ZNF277: variants seen among roughly 807,000 people sequenced by gnomAD.
The protein encoded by ZNF277 is zinc finger protein 277.
A neutral mutation model predicts 60.7 loss-of-function variants in ZNF277; 55 were observed. The observed-to-expected ratio is 0.91, with a 90% confidence interval of 0.73 to 1.13. The LOEUF (loss-of-function observed/expected upper bound fraction) is 1.13, where lower values mean the gene tolerates loss of function less well. Ranked by LOEUF, ZNF277 falls within the 50% of genes most tolerant of loss-of-function variation. The probability of loss-of-function intolerance (pLI) is 0.00; values close to 1 mark genes in which losing one functional copy is unlikely to be tolerated. For missense variants in ZNF277, 510 were observed against 523.0 expected (o/e 0.98, Z 0.24); for synonymous variants, 178 against 179.3 (o/e 0.99, Z 0.06).
chr7:112,225,403 T>TTC (rs1347338294), intron 1 of ZNF277, among the ~76,000 whole-genome samples: 2 of 152,242 alleles, frequency 1.3e-5, no homozygotes, highest in Non-Finnish European at 1.5e-5. Flanking sequence ...ATAATACCCT[T>TTC]TCTTTTTCAT....
At chr7:112,314,074 T>TA (rs927806387) in intron 4 of ZNF277, among the ~76,000 whole-genome samples, 35 of 151,936 alleles carry the variant, frequency 2.3e-4, no homozygotes, top group Non-Finnish European at 4.1e-4. Context: ...AAAACTATGG[T>TA]AAAAAAGGAA....
intron 11 of ZNF277, chr7:112,341,266 A>T (rs972754745): frequency 5.3e-6 from 2 of 377,882 alleles, no homozygotes; most frequent in Admixed American, 9.3e-5. Flanking sequence ...AGTATTTGTG[A>T]TATGGAGATA....
At position 112,270,825 on chromosome 7, in the gene ZNF277, A is replaced by G. The variant is rs184856740; in HGVS notation, c.92-16048A>G. On this transcript the variant is annotated intron_variant, in intron 1 of 11. Coordinates refer to ENST00000361822, the MANE Select transcript of ZNF277 (RefSeq NM_021994.3). ...TAAAGTTATAAAATTGATCATATCA[A>G]GTTTTCATTAGAACAGTGGTTTGTG... Among the ~76,000 whole-genome samples the G allele has an allele frequency of 2.6e-5, 4 of 152,220 alleles. No individual in the cohort carries two copies. In the South Asian group the frequency reaches 6.2e-4, roughly 24 times the overall value.
chr7:112,326,817 T>C (rs943917628), intron 5 of ZNF277, among the ~76,000 whole-genome samples: 5 of 152,178 alleles, frequency 3.3e-5, no homozygotes, highest in African/African-American at 9.7e-5. Context: ...CTATCAATGG[T>C]ACTTATACTG....
At position 112,232,052 on chromosome 7, in the gene ZNF277, T is replaced by C. The variant is rs1370359289; in HGVS notation, c.91+25245T>C. ...TAAAATAAATAAATACATATATATATATATATATATATATATATATATATA... is the reference window on the plus strand; with the variant it reads ...TAAAATAAATAAATACATATATATACATATATATATATATATATATATATA... On this transcript the variant is annotated intron_variant, in intron 1 of 11. Coordinates refer to ENST00000361822, the MANE Select transcript of ZNF277 (RefSeq NM_021994.3). Among the ~76,000 whole-genome samples, 4 of 8,572 alleles carry C rather than the reference T, an allele frequency of 4.7e-4. No homozygotes were observed. In the Non-Finnish European group the frequency reaches 4.7e-3, roughly 10 times the overall value. The allele number at this position is 8,572 out of a possible 152,430, so 5.6% of individuals were successfully genotyped here. A position where few individuals can be genotyped will look rare whatever the true frequency, so the allele number is the denominator to read the frequency against.
intron 2 of ZNF277, among the ~76,000 whole-genome samples, chr7:112,293,343 A>G (rs528900322): frequency 6.6e-6 from 1 of 152,120 alleles, no homozygotes; most frequent in Non-Finnish European, 1.5e-5. Flanking sequence ...TTGGGAGTCC[A>G]AGACGGGCAG....
chr7:112,266,119 T>C (rs1479543585), intron 1 of ZNF277, among the ~76,000 whole-genome samples: 1 of 152,144 alleles, frequency 6.6e-6, no homozygotes, highest in Non-Finnish European at 1.5e-5. Flanking sequence ...ATGATTCCTA[T>C]GAATAACATT....
At chr7:112,297,037 C>CCTG (rs1429815305) in intron 4 of ZNF277, among the ~76,000 whole-genome samples, 1 of 147,052 alleles carries the variant, frequency 6.8e-6, no homozygotes, top group African/African-American at 2.5e-5. Context: ...ACACCATTCT[C>CCTG]CTGCCTCAGC....
At chr7:112,213,913 T>G (rs531279159) in intron 1 of ZNF277, among the ~76,000 whole-genome samples, 1 of 152,222 alleles carries the variant, frequency 6.6e-6, no homozygotes, top group African/African-American at 2.4e-5. Flanking sequence ...TCTATATTGC[T>G]GGGATGTGGA....
chr7:112,298,091 G>C (rs529735821), intron 4 of ZNF277, among the ~76,000 whole-genome samples: 1 of 152,278 alleles, frequency 6.6e-6, no homozygotes, highest in East Asian at 1.9e-4. Context: ...TGCTTAAGTA[G>C]ATGCCTATAC....
intron 5 of ZNF277, among the ~76,000 whole-genome samples, chr7:112,325,941 C>G (rs1262780707): frequency 6.6e-6 from 1 of 152,176 alleles, no homozygotes; most frequent in Non-Finnish European, 1.5e-5. Flanking sequence ...CTGTGGCCTA[C>G]CTGAACAGAG....
intron 6 of ZNF277, among the ~76,000 whole-genome samples, chr7:112,328,575 GA>G (rs964952734): frequency 6.6e-6 from 1 of 150,678 alleles, no homozygotes; most frequent in Admixed American, 6.6e-5. Context: ...CAACAACATA[GA>G]AAAAAAAATA....
chr7:112,299,234 A>G (rs1356765275), intron 4 of ZNF277, among the ~76,000 whole-genome samples: 1 of 152,218 alleles, frequency 6.6e-6, no homozygotes, highest in African/African-American at 2.4e-5. Flanking sequence ...TATAGGATCT[A>G]TCTCCTTTAT....
chr7:112,326,444 TC>T (rs988652504), intron 5 of ZNF277, among the ~76,000 whole-genome samples: 13 of 152,068 alleles, frequency 8.5e-5, no homozygotes, highest in Non-Finnish European at 1.8e-4. Flanking sequence ...CCTGAACTCT[TC>T]CACAGCCTGA....
At position 112,237,149 on chromosome 7, in the gene ZNF277, G is replaced by C. The variant is rs369691140; in HGVS notation, c.91+30342G>C. Among the ~76,000 whole-genome samples the C allele has an allele frequency of 2.6e-5, 4 of 152,184 alleles. No homozygotes were observed. The South Asian group carries it at 6.2e-4, about 24-fold the overall frequency. ...TGAATGATCAGTATGACAAAATTAA[G>C]ATGGAAATTTAAAAAAATTTTGAAA... is the stretch of plus-strand genomic sequence containing the variant. On this transcript the variant is annotated intron_variant, in intron 1 of 11. Coordinates refer to ENST00000361822, the MANE Select transcript of ZNF277 (RefSeq NM_021994.3).
chr7:112,234,012 C>T (rs1822415218), intron 1 of ZNF277, among the ~76,000 whole-genome samples: 5 of 151,830 alleles, frequency 3.3e-5, no homozygotes, highest in Admixed American at 3.3e-4. Context: ...TTTAGAATCA[C>T]CTCAGTGGTA....
intron 1 of ZNF277, among the ~76,000 whole-genome samples, chr7:112,208,596 CTT>C (rs774920648): frequency 5.5e-5 from 6 of 109,456 alleles, no homozygotes; most frequent in Non-Finnish European, 6.1e-5. Context: ...TCTTCTTCTT[CTT>C]TTTTTTTTTT....
At chr7:112,261,729 A>G (rs1791442608) in intron 1 of ZNF277, among the ~76,000 whole-genome samples, 1 of 152,148 alleles carries the variant, frequency 6.6e-6, no homozygotes, top group Non-Finnish European at 1.5e-5. Context: ...CCATTAAAAG[A>G]CACCATTGCT....
At chr7:112,325,370 C>A (rs1218278159) in intron 5 of ZNF277, among the ~76,000 whole-genome samples, 1 of 152,332 alleles carries the variant, frequency 6.6e-6, no homozygotes, top group East Asian at 1.9e-4. Context: ...ACTTTGCCTT[C>A]ACTCAGTCTC....
Sources: allele counts gnomAD v4.1 joint callset (sites outside exome capture counted in the v4.1 genomes callset), GRCh38; gene constraint gnomAD v4.1.1; transcripts MANE v1.5; gene names NCBI Gene and HGNC (gene_info 2026-07-23, HGNC 2026-07-21).